Variants in HMGXB3 observed in about 807,000 individuals in gnomAD.
HMGXB3 encodes HMG-box containing 3, also known as HMG domain-containing protein 3.
HMGXB3 carries 45 observed loss-of-function variants against 121.5 expected under a neutral mutation model. The ratio of observed to expected loss-of-function variants is 0.37; its 90% CI spans 0.29 to 0.47. HMGXB3 has a LOEUF of 0.47. Ranked by LOEUF, HMGXB3 falls within the 20% of genes least tolerant of loss-of-function variation. The pLI, the probability that HMGXB3 is intolerant of heterozygous loss-of-function variation, is 0.99. For missense variants in HMGXB3, 1,376 were observed against 1,602.2 expected (o/e 0.86, Z 2.41); for synonymous variants, 590 against 624.1 (o/e 0.95, Z 0.81).
In HMGXB3 at chr5:150,045,616, C is replaced by T; in HGVS notation, c.2881C>T (p.Pro961Ser). Residue 961 changes from proline to serine, a missense_variant, in exon 16 of 20, where the codon CCA becomes TCA. Pro to Ser is a moderately conservative substitution (Grantham distance 74). Around this residue, in one of 2 missense-constraint regions of HMGXB3, gnomAD observed 1,116 missense variants for 1,369.0 expected, o/e 0.82. Transcript: ENST00000502717. ...GTCTGTTATTGCCCCCTTCTTCCCACCACTCATGAGAGGAGCTGTGGTCGT... is the reference window on the plus strand; with the variant it reads ...GTCTGTTATTGCCCCCTTCTTCCCATCACTCATGAGAGGAGCTGTGGTCGT... ...DASVIAPFFP[P>S]LMRGAVVVNT... 6.4e-7 allele frequency: 1 copy of T among 1,551,836 alleles called. No individual in the cohort carries two copies. The highest frequency in any genetic ancestry group is 1.2e-5 in the South Asian group (1 of 84,068).
intron 1 of HMGXB3, among the ~76,000 whole-genome samples, chr5:150,004,450 A>G (rs1755650533): frequency 6.6e-6 from 1 of 152,202 alleles, no homozygotes; most frequent in Non-Finnish European, 1.5e-5. Flanking sequence ...TTCCTGGCCA[A>G]GCATTTTTTT....
At chr5:150,010,673 A>T in intron 4 of HMGXB3, 65 bp downstream of exon 4, 1 of 1,425,218 alleles carries the variant, frequency 7.0e-7, no homozygotes. Context: ...AGCTAGCACC[A>T]TACAGTGTGA....
In HMGXB3 at chr5:150,040,257, A is replaced by T. The variant is rs188578724; in HGVS notation, c.2414-491A>T. Among the ~76,000 whole-genome samples the T allele has an allele frequency of 4.2e-3, 639 of 151,164 alleles. 3 individuals carry two copies. Among genetic ancestry groups the T allele is most frequent in the African/African-American group, 0.013 (526 of 41,332 alleles). ...AGAACAGTTAGATCTACTTCTTTTT[A>T]AAAAAAAATGGATTCCATGTTGGAA... is the stretch of plus-strand genomic sequence containing the variant. On this transcript the variant is annotated intron_variant, in intron 13 of 19. Transcript: ENST00000502717.
chr5:150,027,534 G>A (rs1756262469), intron 9 of HMGXB3, among the ~76,000 whole-genome samples: 2 of 151,392 alleles, frequency 1.3e-5, no homozygotes. Flanking sequence ...GCTTGTTTGT[G>A]TATTTCATAA....
chr5:150,034,678 A>G lies in HMGXB3; in HGVS notation c.1984-1958A>G, dbSNP rs145597950. Among the ~76,000 whole-genome samples, 693 of 152,322 alleles carry G rather than the reference A, an allele frequency of 4.5e-3. 9 individuals carry two copies. The highest frequency in any genetic ancestry group is 0.016 in the African/African-American group (645 of 41,582). ...AATCTCCTAAAGTTTGGAGAAATACAGTGTAATTACTGCTTTCCAGAAAAT... is the reference window on the plus strand; with the variant it reads ...AATCTCCTAAAGTTTGGAGAAATACGGTGTAATTACTGCTTTCCAGAAAAT... On this transcript the variant is annotated intron_variant, in intron 11 of 19. Transcript: ENST00000502717.
At chr5:150,006,071 C>G (rs955118817) in intron 2 of HMGXB3, among the ~76,000 whole-genome samples, 7 of 152,146 alleles carry the variant, frequency 4.6e-5, no homozygotes, top group African/African-American at 1.7e-4. Flanking sequence ...GGTAGTTACT[C>G]CTGACTGTAA....
At chr5:150,021,532 T>A in intron 6 of HMGXB3, 1 of 342,230 alleles carries the variant, frequency 2.9e-6, no homozygotes, top group Non-Finnish European at 5.7e-6. Context: ...TTTTGTTTTT[T>A]AACAACTGGT....
intron 19 of HMGXB3, 128 bp downstream of exon 19, chr5:150,050,589 C>T: frequency 1.5e-6 from 1 of 686,338 alleles, no homozygotes; most frequent in Non-Finnish European, 2.5e-6. Context: ...TCAAGCAGTT[C>T]TCGTGCCTCA....
intron 5 of HMGXB3, among the ~76,000 whole-genome samples, chr5:150,014,169 G>A (rs943362563): frequency 6.6e-5 from 10 of 152,166 alleles, no homozygotes; most frequent in African/African-American, 2.4e-4. Context: ...CTCTACTAAC[G>A]GATACTACCA....
intron 18 of HMGXB3, among the ~76,000 whole-genome samples, chr5:150,049,647 G>A (rs952443358): frequency 1.6e-4 from 24 of 152,336 alleles, no homozygotes; most frequent in African/African-American, 5.3e-4. Flanking sequence ...CTGACAGCAC[G>A]GGGAGAGCTG....
chr5:150,014,204 C>T (rs1351576865), intron 5 of HMGXB3, among the ~76,000 whole-genome samples: 1 of 152,234 alleles, frequency 6.6e-6, no homozygotes, highest in Non-Finnish European at 1.5e-5. Flanking sequence ...GTGCAGACCT[C>T]GGTTACTAAC....
At position 150,010,354 on chromosome 5, in the gene HMGXB3, G is replaced by A. The variant is rs116196543; in HGVS notation, c.556G>A (p.Glu186Lys). ...CATGGCAGAGCAGTGCCTGGCTGTGGAGGCCCTGGCTGAGGAGGTGGGAGC... is the reference window on the plus strand; with the variant it reads ...CATGGCAGAGCAGTGCCTGGCTGTGAAGGCCCTGGCTGAGGAGGTGGGAGC... ...AGMAEQCLAVEALAEEVGALT... is the reference protein window; with the variant it reads ...AGMAEQCLAVKALAEEVGALT... The change falls in exon 4 of 20, where the codon GAG (glutamate) becomes AAG (lysine). Residue 186 changes from glutamate to lysine, a missense_variant. By Grantham distance (56) the Glu-to-Lys change is moderately conservative. Coordinates refer to ENST00000502717, the MANE Select transcript of HMGXB3 (RefSeq NM_014983.3). The A allele has an allele frequency of 9.0e-4, 1,396 of 1,551,676 alleles. 16 individuals carry two copies. In the African/African-American group the frequency reaches 0.017, roughly 19 times the overall value.
intron 5 of HMGXB3, among the ~76,000 whole-genome samples, chr5:150,013,975 A>G (rs1190319284): frequency 1.3e-5 from 2 of 152,260 alleles, no homozygotes; most frequent in Admixed American, 6.5e-5. Context: ...GTAATGCTTT[A>G]CATTACAACC....
chr5:150,039,958 C>G (rs1399776210), intron 13 of HMGXB3, among the ~76,000 whole-genome samples: 1 of 152,152 alleles, frequency 6.6e-6, no homozygotes, highest in Non-Finnish European at 1.5e-5. Flanking sequence ...GCTTAAATTC[C>G]TCAGATTCAT....
intron 12 of HMGXB3, 48 bp downstream of exon 12, chr5:150,036,985 C>G (rs1426395180): frequency 7.0e-7 from 1 of 1,429,278 alleles, no homozygotes; most frequent in Admixed American, 2.3e-5. Flanking sequence ...CCATTTGGCT[C>G]ATACTGCTCT....
intron 6 of HMGXB3, among the ~76,000 whole-genome samples, chr5:150,020,195 A>G (rs550417813): frequency 1.3e-5 from 2 of 152,342 alleles, no homozygotes; most frequent in South Asian, 2.1e-4. Context: ...ATAGACATCA[A>G]TGTAATTATT....
At chr5:150,036,509 G>A in intron 11 of HMGXB3, 127 bp from the exon 12 acceptor site, 1 of 764,994 alleles carries the variant, frequency 1.3e-6, no homozygotes, top group Non-Finnish European at 2.1e-6. Flanking sequence ...AGCTGGTTAG[G>A]AACCTAGGTT....
chr5:150,009,643 T>C (rs974052410), intron 3 of HMGXB3, among the ~76,000 whole-genome samples: 3 of 152,228 alleles, frequency 2.0e-5, no homozygotes, highest in African/African-American at 7.2e-5. Flanking sequence ...TGGGTTTTTA[T>C]TGAGCGTTAT....
At chr5:150,018,518 G>A in intron 5 of HMGXB3, 48 bp from the exon 6 acceptor site, 2 of 1,467,558 alleles carry the variant, frequency 1.4e-6, no homozygotes, top group Non-Finnish European at 1.8e-6. Flanking sequence ...GTGGTCATCA[G>A]TCTGAGAGAG....
Sources: allele counts gnomAD v4.1 joint callset (sites outside exome capture counted in the v4.1 genomes callset), GRCh38; gene constraint gnomAD v4.1.1; regional missense constraint gnomAD v4.1.1; transcripts MANE v1.5; gene names NCBI Gene and HGNC (gene_info 2026-07-23, HGNC 2026-07-21).